ROBO1: variants seen among roughly 807,000 people sequenced by gnomAD.
The protein encoded by ROBO1 is roundabout guidance receptor 1.
A neutral mutation model predicts 195.9 loss-of-function variants in ROBO1; 149 were observed. The observed-to-expected ratio is 0.76, with a 90% CI of 0.67 to 0.87. The LOEUF is 0.87. ROBO1 is among the 40% of genes least tolerant of loss of function. The pLI is 0.00. For synonymous variants in ROBO1, 816 were observed against 733.2 expected, an observed-to-expected ratio of 1.11 and a Z score of -1.82; for missense variants, 1,933 against 2,068.3, an observed-to-expected ratio of 0.93 and a Z score of 1.27.
At chr3:79,633,244 C>T (rs1489285351) in intron 1 of ROBO1, among the ~76,000 whole-genome samples, 2 of 149,706 alleles carry the variant, frequency 1.3e-5, no homozygotes, top group Admixed American at 6.7e-5. Context: ...TACATGATCA[C>T]GGTTCCCCAG....
intron 26 of ROBO1, 104 bp from the exon 27 acceptor site, chr3:78,618,145 CT>C: frequency 8.3e-7 from 1 of 1,209,332 alleles, no homozygotes; most frequent in Middle Eastern, 2.3e-4. Flanking sequence ...ACCTTTACTT[CT>C]TTTGAGCTCA....
intron 2 of ROBO1, among the ~76,000 whole-genome samples, chr3:79,175,404 C>T (rs1186872073): frequency 1.3e-5 from 2 of 152,138 alleles, no homozygotes; most frequent in African/African-American, 4.8e-5. Flanking sequence ...CCTTGGCCTC[C>T]CCAAATACTG....
At chr3:78,787,827 C>T (rs983922760) in intron 4 of ROBO1, among the ~76,000 whole-genome samples, 2 of 151,228 alleles carry the variant, frequency 1.3e-5, no homozygotes, top group Non-Finnish European at 3.0e-5. Context: ...AGCCTGTAAA[C>T]CCAGCTACAC....
intron 2 of ROBO1, among the ~76,000 whole-genome samples, chr3:79,253,024 A>G (rs1361085669): frequency 6.6e-6 from 1 of 152,190 alleles, no homozygotes; most frequent in East Asian, 1.9e-4. Context: ...AATTAAGCAT[A>G]TACTGTAGCT....
At chr3:78,768,881 T>G (rs956826412) in intron 4 of ROBO1, among the ~76,000 whole-genome samples, 8 of 142,198 alleles carry the variant, frequency 5.6e-5, no homozygotes, top group Non-Finnish European at 1.2e-4. Flanking sequence ...CATTGTTCAA[T>G]TCCCACCTAT....
At chr3:79,751,362 G>C (rs1188867728) in intron 1 of ROBO1, among the ~76,000 whole-genome samples, 1 of 151,958 alleles carries the variant, frequency 6.6e-6, no homozygotes, top group African/African-American at 2.4e-5. Flanking sequence ...AAAATGTCTT[G>C]AGATTGAAAA....
At chr3:78,623,963 G>A (rs1704605677) in intron 26 of ROBO1, among the ~76,000 whole-genome samples, 1 of 152,200 alleles carries the variant, frequency 6.6e-6, no homozygotes, top group Admixed American at 6.5e-5. Context: ...GGATCAAGAG[G>A]AGACTTCATT....
intron 8 of ROBO1, among the ~76,000 whole-genome samples, chr3:78,690,969 G>C (rs1239128612): frequency 6.6e-6 from 1 of 152,042 alleles, no homozygotes; most frequent in African/African-American, 2.4e-5. Context: ...TCATCCTGAA[G>C]CAATCCTTCC....
chr3:78,794,073 C>T (rs1171052138), intron 4 of ROBO1, among the ~76,000 whole-genome samples: 4 of 151,988 alleles, frequency 2.6e-5, no homozygotes, highest in Admixed American at 2.0e-4. Context: ...TATTTTTAAT[C>T]GTAAATTCAC....
chr3:79,034,333 T>G (rs914638544), intron 3 of ROBO1, among the ~76,000 whole-genome samples: 1 of 152,118 alleles, frequency 6.6e-6, no homozygotes, highest in Non-Finnish European at 1.5e-5. Flanking sequence ...TTCACAGAGA[T>G]GAAAAACGTC....
At chr3:78,931,082 TTGGTCACCATTGACTAGCTAG>T (rs1157900475) in intron 4 of ROBO1, among the ~76,000 whole-genome samples, 2 of 152,154 alleles carry the variant, frequency 1.3e-5, no homozygotes, top group African/African-American at 4.8e-5. Context: ...CATTTCATTT[TTGGTCACCATTGACTAGCTAG>T]AGCTAAACAA....
chr3:79,480,531 T>C (rs1327711099), intron 2 of ROBO1, among the ~76,000 whole-genome samples: 1 of 152,146 alleles, frequency 6.6e-6, no homozygotes, highest in African/African-American at 2.4e-5. Flanking sequence ...ATGCATCTTA[T>C]TGTACACACT....
At chr3:79,365,720 A>G (rs966830623) in intron 2 of ROBO1, among the ~76,000 whole-genome samples, 32 of 151,940 alleles carry the variant, frequency 2.1e-4, no homozygotes, top group African/African-American at 7.7e-4. Flanking sequence ...ACACGGTGAA[A>G]CCCCGTCTCT....
rs1702911765 is a variant in ROBO1 at position 78,597,709 on chromosome 3, A to AAAC, written c.*1201_*1203dup. ...TGTAGGTTTCGACATTGGCCACAAC[A>AAAC]AACTTAAACCTCTTTTTTTCTTTAA... On this transcript the variant is annotated 3_prime_UTR_variant, in exon 31 of 31. Coordinates refer to ENST00000464233, the MANE Select transcript of ROBO1 (RefSeq NM_002941.4). The AAAC allele has an allele frequency of 6.6e-6, 1 of 152,478 alleles. No individual in the cohort carries two copies. The highest frequency in any genetic ancestry group is 1.5e-5 in the Non-Finnish European group (1 of 68,004). The allele number at this position is 152,478 out of a possible 1,614,324, so 9.4% of individuals were successfully genotyped here.
At chr3:78,969,607 A>C (rs1483792238) in intron 3 of ROBO1, among the ~76,000 whole-genome samples, 1 of 152,152 alleles carries the variant, frequency 6.6e-6, no homozygotes, top group Non-Finnish European at 1.5e-5. Flanking sequence ...TGGGAAGTTC[A>C]GTATCATCTG....
At chr3:78,869,295 C>G (rs995003453) in intron 4 of ROBO1, among the ~76,000 whole-genome samples, 4 of 152,102 alleles carry the variant, frequency 2.6e-5, no homozygotes, top group Admixed American at 6.6e-5. Flanking sequence ...TCCATTTAAA[C>G]CAACATTTTT....
intron 2 of ROBO1, among the ~76,000 whole-genome samples, chr3:79,491,085 T>A (rs1453261833): frequency 6.6e-6 from 1 of 152,094 alleles, no homozygotes; most frequent in Admixed American, 6.5e-5. Context: ...TATTGTGTTG[T>A]GCAGGAGCCT....
chr3:78,688,921 G>A, intron 8 of ROBO1, 149 bp from the exon 9 acceptor site: 1 of 768,172 alleles, frequency 1.3e-6, no homozygotes, highest in Non-Finnish European at 1.8e-6. Flanking sequence ...TCCTTAATTT[G>A]AAACTAAAAT....
intron 4 of ROBO1, among the ~76,000 whole-genome samples, chr3:78,923,553 C>T (rs1276947330): frequency 3.3e-5 from 5 of 151,986 alleles, no homozygotes; most frequent in African/African-American, 7.2e-5. Flanking sequence ...TAGTAGTCTC[C>T]GCTTTTCTAG....
Sources: gnomAD v4.1 joint callset for allele counts (sites outside exome capture counted in the v4.1 genomes callset) on GRCh38, gnomAD v4.1.1 for gene constraint, MANE v1.5 for transcripts, NCBI Gene and HGNC (gene_info 2026-07-23, HGNC 2026-07-21) for gene names.